The following STRADB variants were observed in gnomAD, a reference collection of about 807,000 sequenced individuals.
STRADB encodes STE20-related kinase adapter protein beta.
A neutral mutation model predicts 52.1 loss-of-function variants in STRADB; 34 were observed. That is an observed-to-expected ratio of 0.65 (90% CI 0.50 to 0.87). The LOEUF (loss-of-function observed/expected upper bound fraction) is 0.87. Among genes scored for constraint, STRADB ranks in the 40% least tolerant of loss-of-function variants. STRADB has a pLI of 0.00. For missense variants in STRADB, 340 were observed against 483.9 expected (o/e 0.70, Z 2.79); for synonymous variants, 133 against 174.5 (o/e 0.76, Z 1.87).
chr2:201,460,818 A>G (rs113681492), intron 3 of STRADB: 3 of 371,578 alleles, frequency 8.1e-6, no homozygotes, highest in African/African-American at 2.1e-5. Context: ...TAGTGCTGCA[A>G]TAAACATGGA....
intron 4 of STRADB, among the ~76,000 whole-genome samples, chr2:201,472,200 T>C (rs1952400569): frequency 6.6e-6 from 1 of 152,236 alleles, no homozygotes; most frequent in African/African-American, 2.4e-5. Context: ...ATTTGGCAAC[T>C]TCTTATAACG....
At chr2:201,455,067 T>C (rs753998827) in intron 2 of STRADB, among the ~76,000 whole-genome samples, 7 of 152,232 alleles carry the variant, frequency 4.6e-5, no homozygotes, top group Non-Finnish European at 8.8e-5. Flanking sequence ...ATATGTTCAT[T>C]ATTCTAATCT....
chr2:201,459,998 A>G (rs1451175547), intron 3 of STRADB, among the ~76,000 whole-genome samples: 1 of 151,938 alleles, frequency 6.6e-6, no homozygotes, highest in African/African-American at 2.4e-5. Flanking sequence ...TTTCTTTGGG[A>G]TCTTTTCCTC....
At chr2:201,453,126 CA>C (rs1279536090) in intron 1 of STRADB, among the ~76,000 whole-genome samples, 1 of 150,404 alleles carries the variant, frequency 6.6e-6, no homozygotes, top group Non-Finnish European at 1.5e-5. Flanking sequence ...GTATCTAAGG[CA>C]AAAATCTCTG....
intron 4 of STRADB, among the ~76,000 whole-genome samples, chr2:201,470,754 A>C (rs1952377299): frequency 6.6e-6 from 1 of 152,144 alleles, no homozygotes; most frequent in Non-Finnish European, 1.5e-5. Flanking sequence ...GAGTTAAGAG[A>C]GATGGCAAAA....
chr2:201,464,391 A>G (rs1372590327), intron 3 of STRADB, among the ~76,000 whole-genome samples: 2 of 152,126 alleles, frequency 1.3e-5, no homozygotes, highest in Non-Finnish European at 2.9e-5. Context: ...TGAGAGAATT[A>G]CCTGGATTAC....
intron 3 of STRADB, among the ~76,000 whole-genome samples, chr2:201,467,154 T>TA (rs774364099): frequency 2.0e-5 from 3 of 152,222 alleles, no homozygotes; most frequent in Non-Finnish European, 2.9e-5. Context: ...ATGGTGCCCT[T>TA]ACATTGTATT....
chr2:201,453,313 A>G (rs138389317), intron 1 of STRADB, among the ~76,000 whole-genome samples: 499 of 152,324 alleles, frequency 3.3e-3, no homozygotes, highest in Middle Eastern at 6.8e-3. Context: ...AAAGCAGGAT[A>G]CAAAATCATG....
At chr2:201,460,249 A>T (rs1952192936) in intron 3 of STRADB, among the ~76,000 whole-genome samples, 1 of 152,164 alleles carries the variant, frequency 6.6e-6, no homozygotes, top group South Asian at 2.1e-4. Context: ...TTAAAAAAAA[A>T]TTTGGAGTAC....
rs187259404 is a variant in STRADB at position 201,462,496 on chromosome 2, A to G, written c.93+3632A>G. 1.5e-4 allele frequency among the ~76,000 whole-genome samples: 22 copies of G among 150,432 alleles called. No individual in the cohort carries two copies. In the East Asian group the frequency reaches 3.9e-3, roughly 27 times the overall value. On this transcript the variant is annotated intron_variant, in intron 3 of 11. Coordinates refer to ENST00000194530, the MANE Select transcript of STRADB (RefSeq NM_018571.6). ...TGTCTTCTTCTTTTTTGTGAAGTTTATTTTCTCTGGCAGTATGTTTTAGTT... is the reference window on the plus strand; with the variant it reads ...TGTCTTCTTCTTTTTTGTGAAGTTTGTTTTCTCTGGCAGTATGTTTTAGTT...
At chr2:201,454,395 T>G (rs546012226) in intron 1 of STRADB, among the ~76,000 whole-genome samples, 2 of 152,278 alleles carry the variant, frequency 1.3e-5, no homozygotes, top group African/African-American at 4.8e-5. Context: ...AAAAATTGGT[T>G]TTCTACATTG....
In STRADB at chr2:201,451,934, C is replaced by G. The variant is rs1444852019; in HGVS notation, c.-100C>G. 1 of 152,648 alleles carries G rather than the reference C, an allele frequency of 6.6e-6. No individual in the cohort carries two copies. The highest frequency in any genetic ancestry group is 1.9e-4 in the East Asian group (1 of 5,194). 9.5% of individuals were successfully genotyped at this position (152,648 alleles called of 1,614,324 possible). A position where few individuals can be genotyped will look rare whatever the true frequency, so the allele number is the denominator to read the frequency against. On this transcript the variant is annotated 5_prime_UTR_variant, in exon 1 of 12. Transcript: ENST00000194530. ...AGAGAGTCGCTGGCCGTGGTCGCCG[C>G]TAGGGTAAAGACGGGAGGCAGGCCC...
intron 2 of STRADB, 27 bp from the exon 3 acceptor site, chr2:201,458,757 C>G (rs764037205): frequency 1.2e-6 from 2 of 1,604,816 alleles, no homozygotes; most frequent in South Asian, 1.1e-5. Context: ...TTATTTTTCA[C>G]TTATATAATG....
At chr2:201,475,404 C>T (rs750128607) in intron 6 of STRADB, among the ~76,000 whole-genome samples, 5 of 151,860 alleles carry the variant, frequency 3.3e-5, no homozygotes, top group Non-Finnish European at 7.4e-5. Context: ...ATTGACAAAT[C>T]ATTAATTCTC....
intron 5 of STRADB, 87 bp from the exon 6 acceptor site, chr2:201,474,560 T>G: frequency 9.3e-7 from 1 of 1,076,590 alleles, no homozygotes; most frequent in Non-Finnish European, 1.4e-6. Context: ...TAAGCACCCT[T>G]GAGTATTAGC....
At chr2:201,466,875 CCATCATAGAAAAATAGT>C (rs1351377853) in intron 3 of STRADB, among the ~76,000 whole-genome samples, 1 of 152,034 alleles carries the variant, frequency 6.6e-6, no homozygotes, top group Non-Finnish European at 1.5e-5. Flanking sequence ...AAAAAGAGCT[CCATCATAGAAAAATAGT>C]CATCATAGAA....
intron 2 of STRADB, among the ~76,000 whole-genome samples, chr2:201,458,552 AC>A (rs1422276147): frequency 6.6e-6 from 1 of 152,236 alleles, no homozygotes; most frequent in East Asian, 1.9e-4. Context: ...CAGTGATAGC[AC>A]CAAATAAAAT....
chr2:201,465,967 C>G (rs1373358736), intron 3 of STRADB, among the ~76,000 whole-genome samples: 5 of 152,222 alleles, frequency 3.3e-5, no homozygotes. Flanking sequence ...ATCAGCTATT[C>G]AAGACTGTCT....
Position 201,478,386 on chromosome 2 carries a change from T to G in STRADB, c.855T>G (p.Pro285=). The change falls in exon 10 of 12, where the codon CCT becomes CCG. Residue 285 remains proline, a synonymous_variant. Coordinates refer to ENST00000194530, the MANE Select transcript of STRADB (RefSeq NM_018571.6). ...TGTTACAGAAACTGAAAGGTCCTCCTTATAGCCCATTGGATATCAGTATTT... is the reference window on the plus strand; with the variant it reads ...TGTTACAGAAACTGAAAGGTCCTCCGTATAGCCCATTGGATATCAGTATTT... ...QMLLQKLKGP[P]YSPLDISIFP... 1 of 1,614,190 alleles carries G rather than the reference T, an allele frequency of 6.2e-7. No individual in the cohort carries two copies.
Sources: gnomAD v4.1 joint callset for allele counts (sites outside exome capture counted in the v4.1 genomes callset) on GRCh38, gnomAD v4.1.1 for gene constraint, MANE v1.5 for transcripts, NCBI Gene and HGNC (gene_info 2026-07-23, HGNC 2026-07-21) for gene names.